ADGRG6: variants seen among roughly 807,000 people sequenced by gnomAD.
The protein encoded by ADGRG6 is adhesion G protein-coupled receptor G6, also known as G-protein coupled receptor 126.
In ADGRG6, 84 loss-of-function variants were observed where a neutral mutation model predicts 142.4. The observed-to-expected ratio is 0.59, with a 90% confidence interval of 0.49 to 0.71. ADGRG6 has a LOEUF of 0.71. Among genes scored for constraint, ADGRG6 ranks in the 30% least tolerant of loss-of-function variants. The probability of loss-of-function intolerance (pLI) is 0.00; values close to 1 mark genes in which losing one functional copy is unlikely to be tolerated. For missense variants in ADGRG6, 1,367 were observed against 1,466.6 expected, an observed-to-expected ratio of 0.93 and a Z score of 1.11; for synonymous variants, 521 against 520.5, an observed-to-expected ratio of 1.00 and a Z score of -0.01.
intron 4 of ADGRG6, among the ~76,000 whole-genome samples, chr6:142,371,484 G>GTTTT (rs1273994234): frequency 6.4e-5 from 6 of 93,184 alleles, no homozygotes; most frequent in Non-Finnish European, 1.0e-4. Flanking sequence ...GTTTTTTTTT[G>GTTTT]TTTTTTTTTT....
chr6:142,438,991 A>G (rs1777617474), intron 24 of ADGRG6, among the ~76,000 whole-genome samples: 1 of 152,196 alleles, frequency 6.6e-6, no homozygotes, highest in Non-Finnish European at 1.5e-5. Flanking sequence ...CCATGGAAAT[A>G]AAGAATATTT....
chr6:142,338,692 G>A (rs1779468106), intron 2 of ADGRG6, among the ~76,000 whole-genome samples: 1 of 151,990 alleles, frequency 6.6e-6, no homozygotes, highest in Non-Finnish European at 1.5e-5. Flanking sequence ...TGCATAAATA[G>A]TTGTAGTTAA....
At chr6:142,431,706 C>G (rs114014851) in intron 22 of ADGRG6, among the ~76,000 whole-genome samples, 5,897 of 152,078 alleles carry the variant, frequency 0.039, 228 homozygotes, top group Middle Eastern at 0.11. Context: ...GAGCAGATCA[C>G]GAGCTCAGGA....
chr6:142,437,634 G>A (rs1777548842), intron 23 of ADGRG6, 99 bp downstream of exon 23: 1 of 707,696 alleles, frequency 1.4e-6, no homozygotes. Flanking sequence ...GTGGTAGCAA[G>A]CTATTGAAGT....
chr6:142,370,322 A>T lies in ADGRG6; in HGVS notation c.598A>T (p.Thr200Ser). Residue 200 changes from threonine (T) to serine (S), a missense_variant, in exon 4 of 25, where the codon ACA becomes TCA. Thr to Ser is a moderately conservative substitution (Grantham distance 58, BLOSUM62 1). Coordinates refer to ENST00000367609, the MANE Select transcript of ADGRG6 (RefSeq NM_198569.3). ...AGTTGGCCATGAAGACAGTGATTGGACAGCTTTCTCCTACTCAAATGCATC... is the reference window on the plus strand; with the variant it reads ...AGTTGGCCATGAAGACAGTGATTGGTCAGCTTTCTCCTACTCAAATGCATC... ...TKVGHEDSDWTAFSYSNASFT... is the reference protein window; with the variant it reads ...TKVGHEDSDWSAFSYSNASFT... The T allele has an allele frequency of 1.2e-6, 2 of 1,613,826 alleles. No homozygotes were observed. The highest frequency in any genetic ancestry group is 1.7e-6 in the Non-Finnish European group (2 of 1,179,746).
chr6:142,317,780 ATT>A (rs1491337655), intron 2 of ADGRG6, among the ~76,000 whole-genome samples: 7 of 97,446 alleles, frequency 7.2e-5, no homozygotes, highest in African/African-American at 3.0e-4. Flanking sequence ...TATCATATAT[ATT>A]TATATATAAT....
intron 2 of ADGRG6, among the ~76,000 whole-genome samples, chr6:142,344,288 T>C (rs907155966): frequency 2.0e-5 from 3 of 151,962 alleles, no homozygotes; most frequent in African/African-American, 7.2e-5. Flanking sequence ...TGATGTTCAA[T>C]ATAAACAAGC....
intron 2 of ADGRG6, among the ~76,000 whole-genome samples, chr6:142,366,175 G>A (rs1470242314): frequency 6.6e-6 from 1 of 152,170 alleles, no homozygotes. Flanking sequence ...GAACCTAACT[G>A]TTCTCATTAG....
chr6:142,316,080 A>G (rs1197161458), intron 2 of ADGRG6, among the ~76,000 whole-genome samples: 1 of 152,100 alleles, frequency 6.6e-6, no homozygotes, highest in African/African-American at 2.4e-5. Context: ...TTCTCAGGAA[A>G]ATGGTTTGAA....
At position 142,330,800 on chromosome 6, in the gene ADGRG6, A is replaced by C. The variant is rs138854078; in HGVS notation, c.103+21156A>C. Among the ~76,000 whole-genome samples, 1,038 of 152,254 alleles carry C rather than the reference A, an allele frequency of 6.8e-3. 10 individuals carry two copies. The highest frequency in any genetic ancestry group is 0.023 in the African/African-American group (955 of 41,550). ...TTACAACTTACTCTTTCCATTTTCA[A>C]AACCAGAGTATAAAAACATGCTCTT... On this transcript the variant is annotated intron_variant, in intron 2 of 24. Coordinates refer to ENST00000367609, the MANE Select transcript of ADGRG6 (RefSeq NM_198569.3).
intron 2 of ADGRG6, among the ~76,000 whole-genome samples, chr6:142,333,512 C>T (rs1420737617): frequency 1.3e-5 from 2 of 152,200 alleles, no homozygotes. Context: ...ACTTTCATCA[C>T]TTAAAAAAGT....
intron 6 of ADGRG6, among the ~76,000 whole-genome samples, chr6:142,385,245 C>T (rs757473704): frequency 2.6e-5 from 4 of 152,206 alleles, no homozygotes; most frequent in Middle Eastern, 3.4e-3. Context: ...TCTCTCTCTG[C>T]GTCATAACCT....
rs1777862233 is a variant in ADGRG6, at chr6:142,443,616, A to G, written c.*101A>G. The G allele has an allele frequency of 1.0e-5, 7 of 698,720 alleles. No homozygotes were observed. In the Admixed American group the frequency reaches 1.4e-4, roughly 14 times the overall value. The allele number at this position is 698,720 out of a possible 1,614,324, so 43.3% of individuals were successfully genotyped here. On this transcript the variant is annotated 3_prime_UTR_variant, in exon 25 of 25. Coordinates refer to ENST00000367609, the MANE Select transcript of ADGRG6 (RefSeq NM_198569.3). ...AATGTGCTATTACCTAGGTAACTGC[A>G]TATATATAAGGAATGTATTTTGTTA...
chr6:142,432,291 A>G (rs971184403), intron 22 of ADGRG6, among the ~76,000 whole-genome samples: 4 of 152,166 alleles, frequency 2.6e-5, no homozygotes, highest in South Asian at 2.1e-4. Context: ...GAATTTTGGT[A>G]TAATATTTAT....
intron 2 of ADGRG6, among the ~76,000 whole-genome samples, chr6:142,321,278 A>T (rs1239153966): frequency 8.4e-6 from 1 of 119,332 alleles, no homozygotes; most frequent in African/African-American, 4.0e-5. Context: ...TCCAAAAATA[A>T]GCATGCATAC....
intron 2 of ADGRG6, among the ~76,000 whole-genome samples, chr6:142,347,075 TATAAC>T (rs1254306296): frequency 3.9e-5 from 6 of 152,194 alleles, no homozygotes; most frequent in African/African-American, 1.2e-4. Context: ...TCTAAATTAA[TATAAC>T]ATATTTGTTT....
intron 13 of ADGRG6, among the ~76,000 whole-genome samples, chr6:142,403,508 T>C (rs1005755028): frequency 1.3e-5 from 2 of 152,176 alleles, no homozygotes; most frequent in African/African-American, 2.4e-5. Context: ...GGATGCTTTT[T>C]CATGTTGGAA....
rs566699575 is a variant in ADGRG6 at position 142,399,086 on chromosome 6, C to G, written c.1567+1331C>G. On this transcript the variant is annotated intron_variant, in intron 10 of 24. Transcript: ENST00000367609. ...AAAAAGCAATTGTTTTAATGTTATTCTATGATTGCAATTATACTGTGATTA... is the reference window on the plus strand; with the variant it reads ...AAAAAGCAATTGTTTTAATGTTATTGTATGATTGCAATTATACTGTGATTA... Among the ~76,000 whole-genome samples, 12 of 152,164 alleles carry G rather than the reference C, an allele frequency of 7.9e-5. No individual in the cohort carries two copies. In the South Asian group the frequency reaches 2.3e-3, roughly 29 times the overall value.
chr6:142,317,594 G>A (rs185307290), intron 2 of ADGRG6, among the ~76,000 whole-genome samples: 10 of 147,376 alleles, frequency 6.8e-5, no homozygotes, highest in African/African-American at 2.5e-4. Flanking sequence ...TCATTTAAAC[G>A]CTAAAGGCTA....
Sources: allele counts gnomAD v4.1 joint callset (sites outside exome capture counted in the v4.1 genomes callset), GRCh38; gene constraint gnomAD v4.1.1; transcripts MANE v1.5; gene names NCBI Gene and HGNC (gene_info 2026-07-23, HGNC 2026-07-21).